The following RYR3 variants were observed in gnomAD, a reference collection of about 807,000 sequenced individuals.
RYR3 encodes the protein brain ryanodine receptor-calcium release channel.
Under a neutral mutation model 584.3 loss-of-function variants are expected in RYR3, and 207 were observed. The observed-to-expected ratio is 0.35, with a 90% CI of 0.32 to 0.40. The LOEUF (loss-of-function observed/expected upper bound fraction) is 0.40, where lower values mean the gene tolerates loss of function less well. RYR3 is among the 10% of genes least tolerant of loss of function. The pLI, the probability that RYR3 is intolerant of heterozygous loss-of-function variation, is 1.00. For missense variants in RYR3, 5,616 were observed against 6,089.2 expected (o/e 0.92, Z 2.59); for synonymous variants, 2,416 against 2,248.5 (o/e 1.07, Z -2.11).
At position 33,763,248 on chromosome 15, in the gene RYR3, A is replaced by G. The variant is rs371824132; in HGVS notation, c.8706-5410A>G. Among the ~76,000 whole-genome samples, 10 of 152,356 alleles carry G rather than the reference A, an allele frequency of 6.6e-5. No homozygotes were observed. The East Asian group carries it at 1.3e-3, about 21-fold the overall frequency. On this transcript the variant is annotated intron_variant, in intron 60 of 103. Coordinates refer to ENST00000634891, the MANE Select transcript of RYR3 (RefSeq NM_001036.6). ...CTAAAACATCAAAAGCAATGGCAAC[A>G]AAAGCCATAATTGACAAATGGGGTC...
chr15:33,716,563 G>A (rs2067507658), intron 43 of RYR3, among the ~76,000 whole-genome samples: 1 of 151,686 alleles, frequency 6.6e-6, no homozygotes, highest in South Asian at 2.1e-4. Context: ...AACAGTACCA[G>A]TAATAGAAAA....
At chr15:33,814,610 T>G (rs2152950913) in intron 74 of RYR3, among the ~76,000 whole-genome samples, 2 of 152,226 alleles carry the variant, frequency 1.3e-5, no homozygotes, top group Non-Finnish European at 2.9e-5. Context: ...TTAAGAATGA[T>G]GGTCTCCGCC....
chr15:33,639,221 G>A (rs2061664683), intron 27 of RYR3, among the ~76,000 whole-genome samples: 1 of 152,192 alleles, frequency 6.6e-6, no homozygotes, highest in Admixed American at 6.5e-5. Flanking sequence ...TTGACCTTCA[G>A]AATAACAAAG....
At chr15:33,670,190 A>G (rs976261491) in intron 37 of RYR3, among the ~76,000 whole-genome samples, 2 of 152,070 alleles carry the variant, frequency 1.3e-5, no homozygotes, top group African/African-American at 4.8e-5. Context: ...TTCAAAACAC[A>G]TGTTTTAGGA....
intron 19 of RYR3, among the ~76,000 whole-genome samples, chr15:33,615,564 C>A (rs1013145157): frequency 3.3e-5 from 5 of 152,126 alleles, no homozygotes; most frequent in African/African-American, 1.2e-4. Flanking sequence ...GTTTGAGGTT[C>A]TTGTAACAAA....
intron 69 of RYR3, among the ~76,000 whole-genome samples, chr15:33,806,051 A>G (rs1028263426): frequency 1.3e-5 from 2 of 151,678 alleles, no homozygotes; most frequent in African/African-American, 4.8e-5. Context: ...ACTTACAGAA[A>G]GTCTTCTGTT....
chr15:33,787,328 C>T (rs1567169944), intron 66 of RYR3, among the ~76,000 whole-genome samples: 3 of 152,126 alleles, frequency 2.0e-5, no homozygotes, highest in Admixed American at 6.5e-5. Context: ...TGCCATTAAC[C>T]TTCTCTTTCT....
At chr15:33,542,188 C>T (rs1015189104) in intron 7 of RYR3, among the ~76,000 whole-genome samples, 8 of 152,184 alleles carry the variant, frequency 5.3e-5, no homozygotes, top group African/African-American at 1.2e-4. Context: ...CCCTTAAGAA[C>T]GTAAGTGATC....
At chr15:33,344,212 C>T (rs1455789382) in intron 1 of RYR3, among the ~76,000 whole-genome samples, 1 of 152,124 alleles carries the variant, frequency 6.6e-6, no homozygotes, top group Non-Finnish European at 1.5e-5. Flanking sequence ...TAAACCTGCA[C>T]CAAAAATGGA....
At chr15:33,426,564 A>G (rs1195464312) in intron 1 of RYR3, among the ~76,000 whole-genome samples, 1 of 152,214 alleles carries the variant, frequency 6.6e-6, no homozygotes, top group East Asian at 1.9e-4. Context: ...AAAAAACTAC[A>G]CAAGATACAT....
intron 43 of RYR3, among the ~76,000 whole-genome samples, chr15:33,721,318 G>A (rs1450666807): frequency 6.6e-6 from 1 of 152,194 alleles, no homozygotes; most frequent in African/African-American, 2.4e-5. Flanking sequence ...ACAGGCCTTC[G>A]GAAGACGGCA....
intron 64 of RYR3, among the ~76,000 whole-genome samples, chr15:33,779,264 T>G (rs1299601435): frequency 6.6e-6 from 1 of 152,130 alleles, no homozygotes; most frequent in Non-Finnish European, 1.5e-5. Flanking sequence ...TCTTGCCCTG[T>G]CACCAAGGCT....
intron 38 of RYR3, among the ~76,000 whole-genome samples, chr15:33,681,753 T>G (rs1234855750): frequency 6.6e-6 from 1 of 152,244 alleles, no homozygotes; most frequent in Admixed American, 6.5e-5. Context: ...GCTTTCTAAG[T>G]GTAACCTAAG....
chr15:33,341,444 T>G (rs1371377574), intron 1 of RYR3, among the ~76,000 whole-genome samples: 2 of 152,172 alleles, frequency 1.3e-5, no homozygotes, highest in African/African-American at 4.8e-5. Context: ...ATGATCTACA[T>G]AGTTCTTTTA....
chr15:33,737,558 G>A (rs1474529901), intron 49 of RYR3, among the ~76,000 whole-genome samples: 3 of 152,138 alleles, frequency 2.0e-5, no homozygotes, highest in Non-Finnish European at 4.4e-5. Context: ...GAGGGCTTTA[G>A]TTCAATCCCC....
chr15:33,813,091 T>C, intron 73 of RYR3, 97 bp downstream of exon 73: 1 of 1,476,988 alleles, frequency 6.8e-7, no homozygotes, highest in South Asian at 1.2e-5. Context: ...AGTGCCCTCA[T>C]AAGACTGAGA....
intron 103 of RYR3, among the ~76,000 whole-genome samples, chr15:33,864,428 G>C (rs988220900): frequency 1.3e-5 from 2 of 152,112 alleles, no homozygotes; most frequent in Admixed American, 1.3e-4. Flanking sequence ...GCTGGAGGTG[G>C]GGAGAACATT....
chr15:33,698,028 T>G, intron 40 of RYR3, 32 bp downstream of exon 40: 1 of 1,486,516 alleles, frequency 6.7e-7, no homozygotes, highest in Non-Finnish European at 9.4e-7. Flanking sequence ...AGCCAGAACT[T>G]GTCCCTTGAG....
chr15:33,539,760 A>AT (rs61147650), intron 6 of RYR3, among the ~76,000 whole-genome samples: 2,582 of 152,260 alleles, frequency 0.017, 78 homozygotes, highest in African/African-American at 0.058. Context: ...TGATATATGT[A>AT]TTATATATTG....
Sources: allele counts gnomAD v4.1 joint callset (sites outside exome capture counted in the v4.1 genomes callset), GRCh38; gene constraint gnomAD v4.1.1; transcripts MANE v1.5; gene names NCBI Gene and HGNC (gene_info 2026-07-23, HGNC 2026-07-21).